DNM3: variants seen among roughly 807,000 people sequenced by gnomAD.
DNM3 encodes the protein dynamin 3.
Under a neutral mutation model 101.6 loss-of-function variants are expected in DNM3, and 47 were observed. The ratio of observed to expected loss-of-function variants is 0.46; its 90% CI spans 0.37 to 0.59. DNM3 has a LOEUF of 0.59. Among genes scored for constraint, DNM3 ranks in the 20% least tolerant of loss-of-function variants. The pLI is 0.00. For synonymous variants in DNM3, 385 were observed against 387.9 expected, an observed-to-expected ratio of 0.99 and a Z score of 0.09; for missense variants, 849 against 1,085.7, an observed-to-expected ratio of 0.78 and a Z score of 3.06.
intron 11 of DNM3, 70 bp from the exon 12 acceptor site, chr1:172,081,762 C>T: frequency 8.2e-7 from 1 of 1,224,340 alleles, no homozygotes; most frequent in Non-Finnish European, 1.2e-6. Context: ...AATTTGTGGG[C>T]AATTACTGAA....
At chr1:172,192,367 CTT>C (rs199599445) in intron 14 of DNM3, among the ~76,000 whole-genome samples, 29 of 143,256 alleles carry the variant, frequency 2.0e-4, no homozygotes, top group African/African-American at 5.9e-4. Flanking sequence ...GGTGGATAAG[CTT>C]TTTTTTTTTT....
At chr1:172,225,913 A>G (rs1226813718) in intron 14 of DNM3, among the ~76,000 whole-genome samples, 1 of 151,866 alleles carries the variant, frequency 6.6e-6, no homozygotes, top group Admixed American at 6.6e-5. Flanking sequence ...CCATTCTACA[A>G]TTTGATTCTT....
intron 17 of DNM3, among the ~76,000 whole-genome samples, chr1:172,367,673 C>A (rs1299299810): frequency 6.6e-6 from 1 of 151,734 alleles, no homozygotes; most frequent in African/African-American, 2.4e-5. Flanking sequence ...AAATCAAGAC[C>A]AAACTATATG....
chr1:171,932,142 C>T (rs868796333), intron 2 of DNM3, among the ~76,000 whole-genome samples: 3 of 144,812 alleles, frequency 2.1e-5, no homozygotes, highest in Non-Finnish European at 4.5e-5. Context: ...CTCTTTCTTT[C>T]CTTCTTTCCT....
chr1:172,191,496 C>A (rs1181955378), intron 14 of DNM3, among the ~76,000 whole-genome samples: 2 of 151,970 alleles, frequency 1.3e-5, no homozygotes, highest in African/African-American at 4.8e-5. Flanking sequence ...CTTGGCAATG[C>A]GGGCTTTTTT....
At position 172,131,225 on chromosome 1, in the gene DNM3, C is replaced by G. The variant is rs376534975; in HGVS notation, c.1596C>G (p.Gly532=). ...TCAGCAACATTGGCATCATGAAAGG[C>G]GGCTCGAAGGGATACTGGTTCGTCC... ...LTISNIGIMK[G]GSKGYWFVLT... Residue 532 remains glycine (G), a synonymous_variant, in exon 14 of 21, where the codon GGC becomes GGG. Coordinates refer to ENST00000627582, the MANE Select transcript of DNM3 (RefSeq NM_015569.5). 6.2e-7 allele frequency: 1 copy of G among 1,613,344 alleles called. No individual in the cohort carries two copies. Among genetic ancestry groups the G allele is most frequent in the Admixed American group, 1.7e-5 (1 of 59,930 alleles).
At chr1:171,866,660 A>T (rs1379009937) in intron 1 of DNM3, among the ~76,000 whole-genome samples, 2 of 152,008 alleles carry the variant, frequency 1.3e-5, no homozygotes, top group Admixed American at 6.6e-5. Context: ...GTTTAAATTA[A>T]TTTTTCTTTT....
intron 4 of DNM3, among the ~76,000 whole-genome samples, chr1:172,006,645 C>T (rs546674793): frequency 3.3e-5 from 5 of 152,052 alleles, no homozygotes; most frequent in African/African-American, 1.2e-4. Flanking sequence ...CTGTCTCTTT[C>T]AACTTATTGT....
At chr1:171,927,463 C>A (rs1225582541) in intron 2 of DNM3, among the ~76,000 whole-genome samples, 1 of 152,152 alleles carries the variant, frequency 6.6e-6, no homozygotes, top group Admixed American at 6.5e-5. Flanking sequence ...AAATTATCAT[C>A]ATTTAGCTCC....
intron 16 of DNM3, among the ~76,000 whole-genome samples, chr1:172,317,645 T>C (rs2065454584): frequency 6.6e-6 from 1 of 151,966 alleles, no homozygotes. Context: ...CTAGAAGAAA[T>C]GGATAAATTT....
chr1:171,974,362 T>C (rs2044227320), intron 2 of DNM3, among the ~76,000 whole-genome samples: 1 of 151,918 alleles, frequency 6.6e-6, no homozygotes, highest in Non-Finnish European at 1.5e-5. Flanking sequence ...TTTTCATGAC[T>C]GTCTATTTTT....
rs1408529675 is a variant in DNM3, at chr1:172,367,966, G to A, written c.1894-11052G>A. Among the ~76,000 whole-genome samples, 3 of 151,882 alleles carry A rather than the reference G, an allele frequency of 2.0e-5. No individual in the cohort carries two copies. The South Asian group carries it at 6.2e-4, about 32-fold the overall frequency. ...ACAAGATCTGACGGTTTTATAAGGG[G>A]CATCCCCCTTTGCTTGGCTCTCATT... On this transcript the variant is annotated intron_variant, in intron 17 of 20. Transcript: ENST00000627582.
In DNM3 at chr1:172,410,408, A is replaced by G; in HGVS notation, c.*2567A>G. 1.0e-6 allele frequency: 1 copy of G among 984,346 alleles called. No homozygotes were observed. The highest frequency in any genetic ancestry group is 1.2e-6 in the Non-Finnish European group (1 of 828,940). 61.0% of individuals were successfully genotyped at this position (984,346 alleles called of 1,614,324 possible). On this transcript the variant is annotated 3_prime_UTR_variant, in exon 21 of 21. Transcript: ENST00000627582. ...TGCTCTGATATTGTAAACACAATAG[A>G]TGTAGCTCTATCATGTCTAGCATAA...
At chr1:171,898,705 T>TATAG (rs368049481) in intron 1 of DNM3, among the ~76,000 whole-genome samples, 2,365 of 150,402 alleles carry the variant, frequency 0.016, 40 homozygotes, top group African/African-American at 0.032. Flanking sequence ...TATATATATA[T>TATAG]AGAGAGAGAG....
chr1:172,079,116 G>A (rs2052922459), intron 11 of DNM3, among the ~76,000 whole-genome samples: 1 of 152,124 alleles, frequency 6.6e-6, no homozygotes, highest in Admixed American at 6.5e-5. Context: ...TCTTCTTGAG[G>A]AGTATCTTTG....
chr1:172,325,906 C>T (rs1157986149), intron 17 of DNM3, among the ~76,000 whole-genome samples: 5 of 152,178 alleles, frequency 3.3e-5, no homozygotes, highest in African/African-American at 9.6e-5. Context: ...ATGAGCAGGA[C>T]AGATTCATCT....
At chr1:172,418,321 C>T (rs2071503138) in exon 21 of DNM3, 2 of 1,288,694 alleles carry the variant, frequency 1.6e-6, no homozygotes, top group Non-Finnish European at 2.0e-6. Context: ...ATCCTAACCC[C>T]CATCATTCAT....
At chr1:172,336,030 T>C (rs1361477981) in intron 17 of DNM3, among the ~76,000 whole-genome samples, 1 of 152,046 alleles carries the variant, frequency 6.6e-6, no homozygotes, top group Non-Finnish European at 1.5e-5. Flanking sequence ...CATTTTAGCT[T>C]GAATTTAGCA....
intron 17 of DNM3, among the ~76,000 whole-genome samples, chr1:172,363,480 T>A (rs1227441429): frequency 1.3e-5 from 2 of 151,924 alleles, no homozygotes; most frequent in Non-Finnish European, 2.9e-5. Flanking sequence ...CTGTCACAAT[T>A]TTCCAATAAT....
Sources: gnomAD v4.1 joint callset for allele counts (sites outside exome capture counted in the v4.1 genomes callset) on GRCh38, gnomAD v4.1.1 for gene constraint, MANE v1.5 for transcripts, NCBI Gene and HGNC (gene_info 2026-07-23, HGNC 2026-07-21) for gene names.